FMN2: variants seen among roughly 807,000 people sequenced by gnomAD.
FMN2 encodes formin 2, also known as formin-2.
Under a neutral mutation model 142.3 loss-of-function variants are expected in FMN2, and 51 were observed. The observed-to-expected ratio is 0.36, with a 90% CI of 0.29 to 0.45. The LOEUF is 0.45. FMN2 is among the 20% of genes least tolerant of loss of function. The pLI, the probability that FMN2 is intolerant of heterozygous loss-of-function variation, is 1.00. For missense variants in FMN2, 1,936 were observed against 2,122.8 expected, an observed-to-expected ratio of 0.91 and a Z score of 1.73; for synonymous variants, 882 against 869.8, an observed-to-expected ratio of 1.01 and a Z score of -0.25.
intron 4 of FMN2, among the ~76,000 whole-genome samples, chr1:240,192,065 C>T (rs556931858): frequency 2.4e-4 from 36 of 152,288 alleles, no homozygotes; most frequent in African/African-American, 7.5e-4. Flanking sequence ...GTCAGAAAAA[C>T]GCTTTGCTCT....
chr1:240,277,632 A>C (rs1175255938), intron 7 of FMN2, among the ~76,000 whole-genome samples: 2 of 146,652 alleles, frequency 1.4e-5, no homozygotes, highest in Non-Finnish European at 3.0e-5. Flanking sequence ...TCCCAGGTTC[A>C]AGTGATTCTC....
intron 2 of FMN2, chr1:240,142,935 C>G (rs1663255288): frequency 6.2e-7 from 1 of 1,605,586 alleles, no homozygotes; most frequent in Non-Finnish European, 8.5e-7. Context: ...AGCCACCAGC[C>G]CATACAATAC....
chr1:240,132,272 C>G (rs1006133092), intron 2 of FMN2, among the ~76,000 whole-genome samples: 7 of 152,094 alleles, frequency 4.6e-5, no homozygotes, highest in African/African-American at 1.7e-4. Flanking sequence ...ATATTGCTGG[C>G]ATAGACCATA....
At chr1:240,198,833 G>A (rs1324726345) in intron 4 of FMN2, among the ~76,000 whole-genome samples, 1 of 152,088 alleles carries the variant, frequency 6.6e-6, no homozygotes, top group Non-Finnish European at 1.5e-5. Context: ...ACAGCCTGGC[G>A]CGGTGGCTCA....
chr1:240,258,862 G>A (rs1473210992), intron 7 of FMN2, among the ~76,000 whole-genome samples: 3 of 152,138 alleles, frequency 2.0e-5, no homozygotes, highest in Non-Finnish European at 4.4e-5. Context: ...CCAATGGAAT[G>A]CCAGTTTACC....
intron 13 of FMN2, among the ~76,000 whole-genome samples, chr1:240,345,405 T>G (rs1381282652): frequency 6.6e-6 from 1 of 152,164 alleles, no homozygotes; most frequent in East Asian, 1.9e-4. Flanking sequence ...GTGAGAACGC[T>G]TTTACACTGA....
chr1:240,107,120 T>C (rs1254819268), intron 1 of FMN2, among the ~76,000 whole-genome samples: 2 of 151,924 alleles, frequency 1.3e-5, no homozygotes, highest in Non-Finnish European at 1.5e-5. Context: ...CTAGATGTGA[T>C]AGCAGTTTGT....
At chr1:240,241,821 C>A (rs1572106300) in intron 6 of FMN2, among the ~76,000 whole-genome samples, 2 of 123,304 alleles carry the variant, frequency 1.6e-5, no homozygotes, top group South Asian at 5.0e-4. Flanking sequence ...TTTAGTGTGC[C>A]TTGCTTTTTT....
At chr1:240,300,318 C>T (rs12094023) in intron 8 of FMN2, among the ~76,000 whole-genome samples, 1,563 of 152,252 alleles carry the variant, frequency 0.01, 26 homozygotes, top group African/African-American at 0.036. Flanking sequence ...TGAATGAACC[C>T]TTTGAAACGG....
At chr1:240,187,269 CAAAAA>C (rs10610560) in intron 3 of FMN2, among the ~76,000 whole-genome samples, 474 of 83,770 alleles carry the variant, frequency 5.7e-3, no homozygotes, top group South Asian at 0.012. Context: ...AACTCCATCT[CAAAAA>C]AAAAAAAAAA....
intron 6 of FMN2, among the ~76,000 whole-genome samples, chr1:240,251,245 TATCTCATA>T (rs1437987182): frequency 6.6e-6 from 1 of 152,126 alleles, no homozygotes; most frequent in Non-Finnish European, 1.5e-5. Context: ...AGTTTTGTTG[TATCTCATA>T]GGTTTTGGTG....
intron 7 of FMN2, among the ~76,000 whole-genome samples, chr1:240,294,317 A>G (rs1047418302): frequency 2.0e-5 from 3 of 152,212 alleles, no homozygotes; most frequent in African/African-American, 4.8e-5. Flanking sequence ...CACTACCAAT[A>G]TAAAAGATTC....
rs190568967 is a variant in FMN2, at chr1:240,457,029, T to C, written c.5061-15343T>C. Among the ~76,000 whole-genome samples the C allele has an allele frequency of 1.9e-3, 283 of 152,200 alleles. 1 individual carries two copies. Among genetic ancestry groups the C allele is most frequent in the South Asian group, 3.3e-3 (16 of 4,828 alleles). On this transcript the variant is annotated intron_variant, in intron 16 of 17. Coordinates refer to ENST00000319653, the MANE Select transcript of FMN2 (RefSeq NM_020066.5). ...CTTGGACTTTTCTGATTCATTTAGCTTCCCGCTCACCCTGGGCCTCATCAT... is the reference window on the plus strand; with the variant it reads ...CTTGGACTTTTCTGATTCATTTAGCCTCCCGCTCACCCTGGGCCTCATCAT...
Position 240,393,079 on chromosome 1 carries a change from AAG to A in FMN2, c.4910+519_4910+520del, listed in dbSNP as rs1673661530. On this transcript the variant is annotated intron_variant, in intron 15 of 17. Coordinates refer to ENST00000319653, the MANE Select transcript of FMN2 (RefSeq NM_020066.5). ...TATACGTCAGGGTTCTGTAGAAAAAAAGAACAAACTGGCGATACAGATATAAA... is the reference window on the plus strand; with the variant it reads ...TATACGTCAGGGTTCTGTAGAAAAAAAACAAACTGGCGATACAGATATAAA... Among the ~76,000 whole-genome samples the A allele has an allele frequency of 2.6e-5, 4 of 152,096 alleles. 1 individual carries two copies. In the South Asian group the frequency reaches 6.2e-4, roughly 24 times the overall value.
intron 4 of FMN2, among the ~76,000 whole-genome samples, chr1:240,203,584 C>T (rs1368534530): frequency 6.6e-6 from 1 of 152,142 alleles, no homozygotes; most frequent in African/African-American, 2.4e-5. Context: ...CACATGTTCT[C>T]ACTTATAAGT....
At chr1:240,212,321 C>A (rs149032921) in intron 6 of FMN2, among the ~76,000 whole-genome samples, 1 of 152,140 alleles carries the variant, frequency 6.6e-6, no homozygotes, top group African/African-American at 2.4e-5. Flanking sequence ...ACCCCTGTGA[C>A]CCGTAGTTGG....
chr1:240,229,406 T>A (rs1333528651), intron 6 of FMN2, among the ~76,000 whole-genome samples: 2 of 152,190 alleles, frequency 1.3e-5, no homozygotes, highest in African/African-American at 4.8e-5. Flanking sequence ...TGATCTTCTC[T>A]TGGTAATCAA....
intron 2 of FMN2, among the ~76,000 whole-genome samples, chr1:240,156,591 G>C (rs1363618685): frequency 2.6e-5 from 4 of 152,166 alleles, no homozygotes; most frequent in African/African-American, 7.2e-5. Flanking sequence ...CTTCACAAGA[G>C]GGATTTTTTC....
Position 240,207,728 on chromosome 1 carries a change from A to G in FMN2, c.2916A>G (p.Gly972=), listed in dbSNP as rs150923193. The change falls in exon 5 of 18, where the codon GGA becomes GGG. Residue 972 remains glycine (G), a synonymous_variant. Transcript: ENST00000319653. ...AGIPLPPPLP[G]AGIPPPPPLP... is the part of the protein sequence containing the mutation. ...TACCCCTTCCTCCCCCTCTTCCCGG[A>G]GCAGGAATACCTCCTCCACCCCCTC... The G allele has an allele frequency of 5.8e-3, 7,452 of 1,290,036 alleles. 10 individuals carry two copies. The highest frequency in any genetic ancestry group is 6.5e-3 in the Non-Finnish European group (6,114 of 945,502). The allele number at this position is 1,290,036 out of a possible 1,614,324, so 79.9% of individuals were successfully genotyped here.
Sources: allele counts gnomAD v4.1 joint callset (sites outside exome capture counted in the v4.1 genomes callset), GRCh38; gene constraint gnomAD v4.1.1; transcripts MANE v1.5; gene names NCBI Gene and HGNC (gene_info 2026-07-23, HGNC 2026-07-21).